Variants in RAB10 observed in about 807,000 individuals in gnomAD.
RAB10 encodes the protein RAB10, member RAS oncogene family.
RAB10 carries 5 observed loss-of-function variants against 25.7 expected under a neutral mutation model. That is an observed-to-expected ratio of 0.19 (90% CI 0.10 to 0.41). The LOEUF is 0.41. Ranked by LOEUF, RAB10 falls within the 10% of genes least tolerant of loss-of-function variation. The probability of loss-of-function intolerance (pLI) is 1.00; values close to 1 mark genes in which losing one functional copy is unlikely to be tolerated. For synonymous variants in RAB10, 89 were observed against 86.4 expected, an observed-to-expected ratio of 1.03 and a Z score of -0.16; for missense variants, 103 against 245.8, an observed-to-expected ratio of 0.42 and a Z score of 3.89.
chr2:26,125,313 T>G (rs763975338), intron 3 of RAB10, among the ~76,000 whole-genome samples: 12 of 152,162 alleles, frequency 7.9e-5, no homozygotes, highest in Non-Finnish European at 1.6e-4. Context: ...TGTAGTGGTA[T>G]CTCTCATTGT....
intron 3 of RAB10, among the ~76,000 whole-genome samples, chr2:26,124,389 CTTTTTTTTTTTTTT>C (rs10669615): frequency 2.0e-4 from 4 of 19,666 alleles, no homozygotes; most frequent in South Asian, 2.2e-3. Flanking sequence ...GTTGTTGTTG[CTTTTTTTTTTTTTT>C]TTTTTTTTTT....
At chr2:26,065,184 T>C (rs1424356130) in intron 1 of RAB10, among the ~76,000 whole-genome samples, 1 of 151,898 alleles carries the variant, frequency 6.6e-6, no homozygotes, top group African/African-American at 2.4e-5. Flanking sequence ...CAAACAGCAG[T>C]GCTTGTTAAA....
At chr2:26,110,772 C>T (rs1667553216) in intron 3 of RAB10, among the ~76,000 whole-genome samples, 2 of 152,050 alleles carry the variant, frequency 1.3e-5, no homozygotes, top group South Asian at 2.1e-4. Context: ...GTGGCACAAT[C>T]TTGGCTCACT....
At chr2:26,090,193 G>A (rs750754217) in intron 1 of RAB10, among the ~76,000 whole-genome samples, 3 of 152,130 alleles carry the variant, frequency 2.0e-5, no homozygotes, top group Non-Finnish European at 4.4e-5. Flanking sequence ...ATGCATGGGA[G>A]CTAAATATTT....
intron 5 of RAB10, among the ~76,000 whole-genome samples, chr2:26,128,487 C>A (rs923070151): frequency 6.6e-6 from 1 of 152,172 alleles, no homozygotes; most frequent in Non-Finnish European, 1.5e-5. Flanking sequence ...ATTCTGAGCT[C>A]CACAGTCACT....
intron 2 of RAB10, among the ~76,000 whole-genome samples, chr2:26,106,153 C>T (rs1667459967): frequency 2.0e-5 from 3 of 152,170 alleles, no homozygotes; most frequent in African/African-American, 7.2e-5. Context: ...CTATTAGAAT[C>T]AGTTAAGGAC....
At chr2:26,033,321 A>C (rs1665672286), upstream of RAB10, among the ~76,000 whole-genome samples, 1 of 152,158 alleles carries the variant, frequency 6.6e-6, no homozygotes, top group Non-Finnish European at 1.5e-5. Flanking sequence ...AGGTTCTCTG[A>C]GCACCGCACA....
intron 1 of RAB10, among the ~76,000 whole-genome samples, chr2:26,062,619 A>G (rs924004707): frequency 4.6e-5 from 7 of 151,740 alleles, no homozygotes; most frequent in Admixed American, 3.3e-4. Flanking sequence ...TGGGGGTTGC[A>G]GTGAGCCGAG....
Position 26,089,773 on chromosome 2 carries a change from C to A in RAB10, c.128-8889C>A, listed in dbSNP as rs1667065423. ...AGATGAGAATTTAATACTCTTACAC[C>A]ACCAGATATTCCTGGCACCTCTTTC... On this transcript the variant is annotated intron_variant, in intron 1 of 5. Transcript: ENST00000264710. Among the ~76,000 whole-genome samples the A allele has an allele frequency of 2.6e-5, 4 of 152,160 alleles. No homozygotes were observed. In the South Asian group the frequency reaches 6.2e-4, roughly 24 times the overall value.
chr2:26,069,036 CAT>C (rs1408382074), intron 1 of RAB10, among the ~76,000 whole-genome samples: 1 of 152,150 alleles, frequency 6.6e-6, no homozygotes, highest in African/African-American at 2.4e-5. Flanking sequence ...TAATCTCTCA[CAT>C]ATATATTCTT....
chr2:26,049,933 T>C (rs550333175), intron 1 of RAB10, among the ~76,000 whole-genome samples: 7 of 152,328 alleles, frequency 4.6e-5, no homozygotes, highest in South Asian at 2.1e-4. Flanking sequence ...AACCACCAGA[T>C]AATAATCTTT....
intron 1 of RAB10, among the ~76,000 whole-genome samples, chr2:26,071,193 C>A (rs746930367): frequency 6.6e-6 from 1 of 152,128 alleles, no homozygotes; most frequent in African/African-American, 2.4e-5. Context: ...ACTTCTGCCT[C>A]GTTTTGAGAC....
At chr2:26,048,725 A>AT (rs1434812848) in intron 1 of RAB10, among the ~76,000 whole-genome samples, 1 of 152,178 alleles carries the variant, frequency 6.6e-6, no homozygotes, top group African/African-American at 2.4e-5. Context: ...AAAGAAAAAA[A>AT]TTAGCTGGAT....
intron 1 of RAB10, among the ~76,000 whole-genome samples, chr2:26,076,945 G>C (rs1232828994): frequency 2.5e-5 from 3 of 121,328 alleles, no homozygotes; most frequent in African/African-American, 9.6e-5. Context: ...GAAAAAAAAA[G>C]AGAAAAAAAA....
At chr2:26,130,792 G>T (rs1667997705) in intron 5 of RAB10, among the ~76,000 whole-genome samples, 1 of 152,102 alleles carries the variant, frequency 6.6e-6, no homozygotes, top group Non-Finnish European at 1.5e-5. Context: ...ATAGAAAAAT[G>T]CTTGTTTTAA....
intron 1 of RAB10, among the ~76,000 whole-genome samples, chr2:26,095,329 C>T (rs569683525): frequency 2.0e-5 from 3 of 152,126 alleles, no homozygotes; most frequent in East Asian, 1.9e-4. Context: ...AAGCTCAGGC[C>T]GGGCGCGGTG....
At chr2:26,041,588 A>G (rs1429114975) in intron 1 of RAB10, among the ~76,000 whole-genome samples, 2 of 150,964 alleles carry the variant, frequency 1.3e-5, no homozygotes, top group African/African-American at 4.9e-5. Flanking sequence ...GTTTGGCTTA[A>G]TAGGGCAAGA....
rs543710877 is a variant in RAB10 at position 26,093,676 on chromosome 2, C to G, written c.128-4986C>G. 1.4e-4 allele frequency among the ~76,000 whole-genome samples: 21 copies of G among 152,204 alleles called. No homozygotes were observed. In the East Asian group the frequency reaches 4.1e-3, roughly 29 times the overall value. On this transcript the variant is annotated intron_variant, in intron 1 of 5. Coordinates refer to ENST00000264710, the MANE Select transcript of RAB10 (RefSeq NM_016131.5). Reference sequence around the variant, plus strand: ...GAGAGGATTTACGAAGTAGCATATGCTAAACGAGAGACATGAGAAAACATG... The same window carrying G: ...GAGAGGATTTACGAAGTAGCATATGGTAAACGAGAGACATGAGAAAACATG...
chr2:26,109,985 A>G, intron 3 of RAB10, 79 bp downstream of exon 3: 1 of 1,343,222 alleles, frequency 7.4e-7, no homozygotes, highest in Non-Finnish European at 1.0e-6. Flanking sequence ...ATTCCAACTG[A>G]TCTTCAGGAT....
Sources: gnomAD v4.1 joint callset for allele counts (sites outside exome capture counted in the v4.1 genomes callset) on GRCh38, gnomAD v4.1.1 for gene constraint, MANE v1.5 for transcripts, NCBI Gene and HGNC (gene_info 2026-07-23, HGNC 2026-07-21) for gene names.